MARCHF3: variants seen among roughly 807,000 people sequenced by gnomAD.
The protein encoded by MARCHF3 is membrane associated ring-CH-type finger 3, also known as E3 ubiquitin-protein ligase MARCHF3.
In MARCHF3, 13 loss-of-function variants were observed where a neutral mutation model predicts 24.2. That is an observed-to-expected ratio of 0.54 (90% confidence interval 0.35 to 0.85). MARCHF3 has a LOEUF of 0.85. MARCHF3 is among the 40% of genes least tolerant of loss of function. The probability of loss-of-function intolerance (pLI) is 0.01; values close to 1 mark genes in which losing one functional copy is unlikely to be tolerated. For missense variants in MARCHF3, 276 were observed against 325.0 expected, an observed-to-expected ratio of 0.85 and a Z score of 1.16; for synonymous variants, 144 against 137.3, an observed-to-expected ratio of 1.05 and a Z score of -0.34.
chr5:126,941,854 T>G, intron 1 of MARCHF3, among the ~76,000 whole-genome samples: 1 of 152,174 alleles, frequency 6.6e-6, no homozygotes, highest in Non-Finnish European at 1.5e-5. Flanking sequence ...CTGTAAGGTG[T>G]AAGCATACAA....
intron 1 of MARCHF3, among the ~76,000 whole-genome samples, chr5:126,995,785 G>C (rs893171589): frequency 6.6e-6 from 1 of 152,140 alleles, no homozygotes; most frequent in African/African-American, 2.4e-5. Flanking sequence ...TCACTAAATG[G>C]AAATGAATGC....
intron 1 of MARCHF3, among the ~76,000 whole-genome samples, chr5:126,927,605 T>G (rs1194606728): frequency 6.6e-6 from 1 of 152,290 alleles, no homozygotes; most frequent in Middle Eastern, 3.4e-3. Context: ...CCCCACCTGT[T>G]GGAGTGCTGG....
intron 1 of MARCHF3, among the ~76,000 whole-genome samples, chr5:126,958,946 A>G (rs1464284843): frequency 1.3e-5 from 2 of 152,212 alleles, no homozygotes; most frequent in African/African-American, 2.4e-5. Flanking sequence ...ATGAATACCC[A>G]TTAGTCCACA....
chr5:127,001,110 C>T (rs1406907373), intron 1 of MARCHF3, among the ~76,000 whole-genome samples: 3 of 151,924 alleles, frequency 2.0e-5, no homozygotes, highest in African/African-American at 4.8e-5. Flanking sequence ...TGCTGACGCA[C>T]GCCTGTAGTC....
intron 1 of MARCHF3, among the ~76,000 whole-genome samples, chr5:126,923,262 C>T (rs1019584341): frequency 7.9e-5 from 12 of 152,374 alleles, no homozygotes; most frequent in Middle Eastern, 3.4e-3. Flanking sequence ...ACTAATCCAG[C>T]ATGTGATAAA....
At chr5:126,983,040 C>T (rs1471994104) in intron 1 of MARCHF3, among the ~76,000 whole-genome samples, 2 of 152,172 alleles carry the variant, frequency 1.3e-5, no homozygotes, top group Non-Finnish European at 1.5e-5. Context: ...ATAGGAGAAG[C>T]AGTGGCGCAT....
intron 1 of MARCHF3, among the ~76,000 whole-genome samples, chr5:127,008,967 G>C (rs888918894): frequency 1.3e-5 from 2 of 151,766 alleles, no homozygotes; most frequent in African/African-American, 4.8e-5. Context: ...GGATGAGAGA[G>C]GAGGTGTTAT....
chr5:126,967,685 C>T (rs1281117515), intron 1 of MARCHF3, among the ~76,000 whole-genome samples: 1 of 152,178 alleles, frequency 6.6e-6, no homozygotes, highest in Admixed American at 6.5e-5. Context: ...AAGAGCAAGA[C>T]TCTGTCTCAA....
chr5:126,883,856 T>C (rs998270813), intron 3 of MARCHF3, among the ~76,000 whole-genome samples: 4 of 152,168 alleles, frequency 2.6e-5, no homozygotes, highest in Non-Finnish European at 5.9e-5. Flanking sequence ...ATAGCTCTGA[T>C]CGATAACAAC....
intron 1 of MARCHF3, among the ~76,000 whole-genome samples, chr5:126,942,457 A>G (rs1189962565): frequency 6.6e-6 from 1 of 152,232 alleles, no homozygotes; most frequent in Non-Finnish European, 1.5e-5. Flanking sequence ...AAAAATAAGA[A>G]TGCAAAAACC....
At chr5:127,012,434 C>T (rs533701427) in intron 1 of MARCHF3, among the ~76,000 whole-genome samples, 2 of 152,240 alleles carry the variant, frequency 1.3e-5, no homozygotes, top group East Asian at 1.9e-4. Context: ...GTCCTAGTTA[C>T]TTATTTTGTT....
In MARCHF3 at chr5:126,961,641, A is replaced by G. The variant is rs369857392; in HGVS notation, c.-56-43414T>C. 4.5e-4 allele frequency among the ~76,000 whole-genome samples: 68 copies of G among 152,310 alleles called. 1 individual carries two copies. The South Asian group carries it at 0.014, about 31-fold the overall frequency. On this transcript the variant is annotated intron_variant, in intron 1 of 4. Transcript: ENST00000308660. ...AAATTCAAATTATAATTCCATCGCAATGTAGTCTGCCCTGGTATTCTTTGG... is the reference window on the plus strand; with the variant it reads ...AAATTCAAATTATAATTCCATCGCAGTGTAGTCTGCCCTGGTATTCTTTGG...
intron 1 of MARCHF3, among the ~76,000 whole-genome samples, chr5:127,015,738 C>T (rs1262292846): frequency 6.6e-6 from 1 of 152,218 alleles, no homozygotes. Context: ...TACATCCCCC[C>T]ACTTATTTGT....
Position 126,941,431 on chromosome 5 carries a change from C to T in MARCHF3, c.-56-23204G>A, listed in dbSNP as rs576817700. Among the ~76,000 whole-genome samples, 20 of 145,530 alleles carry T rather than the reference C, an allele frequency of 1.4e-4. No homozygotes were observed. In the South Asian group the frequency reaches 4.2e-3, roughly 31 times the overall value. The stretch of plus-strand genomic sequence containing the variant: ...GGAGGAAAATCTTGACACCATCCAT[C>T]CAACAATGAGGTGTGATAAATAGAA... On this transcript the variant is annotated intron_variant, in intron 1 of 4. Transcript: ENST00000308660.
chr5:126,981,888 C>T (rs1751406982), intron 1 of MARCHF3, among the ~76,000 whole-genome samples: 1 of 152,212 alleles, frequency 6.6e-6, no homozygotes, highest in South Asian at 2.1e-4. Flanking sequence ...CATTACTTGA[C>T]TACTATGGTA....
intron 1 of MARCHF3, among the ~76,000 whole-genome samples, chr5:127,006,798 A>G (rs1752324959): frequency 1.3e-5 from 2 of 152,266 alleles, no homozygotes; most frequent in South Asian, 4.1e-4. Context: ...TCTACTGTAC[A>G]AGATATTAAA....
intron 1 of MARCHF3, among the ~76,000 whole-genome samples, chr5:126,965,221 C>T (rs2126825098): frequency 6.6e-6 from 1 of 152,244 alleles, no homozygotes; most frequent in African/African-American, 2.4e-5. Context: ...ATGACCCCTA[C>T]TCCCCAGATT....
intron 1 of MARCHF3, among the ~76,000 whole-genome samples, chr5:126,970,663 A>T (rs1027231691): frequency 1.3e-5 from 2 of 152,176 alleles, no homozygotes; most frequent in Non-Finnish European, 2.9e-5. Context: ...GATGAAGTGC[A>T]AAGGAATTTT....
At chr5:126,984,534 G>A (rs112837849) in intron 1 of MARCHF3, among the ~76,000 whole-genome samples, 3 of 152,324 alleles carry the variant, frequency 2.0e-5, no homozygotes, top group African/African-American at 7.2e-5. Context: ...AGGAGGTGGC[G>A]AGAGCTGGGC....
Sources: gnomAD v4.1 joint callset for allele counts (sites outside exome capture counted in the v4.1 genomes callset) on GRCh38, gnomAD v4.1.1 for gene constraint, MANE v1.5 for transcripts, NCBI Gene and HGNC (gene_info 2026-07-23, HGNC 2026-07-21) for gene names.